The following SLCO3A1 variants were observed in gnomAD, a reference collection of about 807,000 sequenced individuals.
The protein encoded by SLCO3A1 is PGE1 transporter.
A neutral mutation model predicts 63.1 loss-of-function variants in SLCO3A1; 27 were observed. The observed-to-expected ratio is 0.43, with a 90% CI of 0.32 to 0.59. The LOEUF (loss-of-function observed/expected upper bound fraction) is 0.59. Among genes scored for constraint, SLCO3A1 ranks in the 20% least tolerant of loss-of-function variants. SLCO3A1 has a pLI of 0.09. For synonymous variants in SLCO3A1, 473 were observed against 409.9 expected (o/e 1.15, Z -1.86); for missense variants, 773 against 945.8 (o/e 0.82, Z 2.40).
intron 2 of SLCO3A1, among the ~76,000 whole-genome samples, chr15:92,010,452 TTCC>T: frequency 6.6e-6 from 1 of 152,304 alleles, no homozygotes; most frequent in Non-Finnish European, 1.5e-5. Flanking sequence ...TTTTCACTTC[TTCC>T]TAGGACACTT....
At chr15:91,918,705 A>G (rs1898742445) in intron 2 of SLCO3A1, among the ~76,000 whole-genome samples, 1 of 152,102 alleles carries the variant, frequency 6.6e-6, no homozygotes, top group South Asian at 2.1e-4. Context: ...CTCCTCTAAT[A>G]TGGCACTAGT....
rs1052444020 is a variant in SLCO3A1 at position 91,900,502 on chromosome 15, G to T, written c.181-15491G>T. On this transcript the variant is annotated intron_variant, in intron 1 of 9. Transcript: ENST00000318445. This position sits in a 1 kb window ranked among gnomAD's most constrained non-coding sequence, Gnocchi z 4.3. ...ATGCCACTGTGCCCGGCTAATTTTTGTATTTTCAGTAGAGACGGGTTTCAC... is the reference window on the plus strand; with the variant it reads ...ATGCCACTGTGCCCGGCTAATTTTTTTATTTTCAGTAGAGACGGGTTTCAC... Among the ~76,000 whole-genome samples, 14 of 152,042 alleles carry T rather than the reference G, an allele frequency of 9.2e-5. No individual in the cohort carries two copies. Among genetic ancestry groups the T allele is most frequent in the Admixed American group, 2.0e-4 (3 of 15,248 alleles).
intron 2 of SLCO3A1, among the ~76,000 whole-genome samples, chr15:92,081,064 C>T (rs1393182946): frequency 6.6e-6 from 1 of 151,566 alleles, no homozygotes; most frequent in Admixed American, 6.6e-5. Flanking sequence ...TCCATCATCA[C>T]CTCAAGCATT....
chr15:92,069,368 C>T (rs1280664324), intron 2 of SLCO3A1, among the ~76,000 whole-genome samples: 2 of 152,102 alleles, frequency 1.3e-5, no homozygotes, highest in African/African-American at 2.4e-5. Context: ...ATAGGAGTTA[C>T]GAGAATTAAA....
chr15:92,102,088 C>T (rs946628790), intron 3 of SLCO3A1, among the ~76,000 whole-genome samples: 3 of 152,120 alleles, frequency 2.0e-5, no homozygotes, highest in Non-Finnish European at 2.9e-5. Context: ...TTTACCCGCT[C>T]ACATCTGCCA....
intron 2 of SLCO3A1, among the ~76,000 whole-genome samples, chr15:91,979,948 C>T (rs566682374): frequency 1.3e-5 from 2 of 152,212 alleles, no homozygotes; most frequent in Non-Finnish European, 2.9e-5. Context: ...AAAACTTTTG[C>T]CACTGAGCTT....
intron 1 of SLCO3A1, among the ~76,000 whole-genome samples, chr15:91,915,118 G>A (rs72750101): frequency 0.069 from 10,565 of 152,066 alleles, 519 homozygotes; most frequent in Non-Finnish European, 0.11. Context: ...TGGCCCCCTT[G>A]GTGTGAGGTC....
chr15:91,963,300 C>T (rs1419853534), intron 2 of SLCO3A1, among the ~76,000 whole-genome samples: 2 of 151,092 alleles, frequency 1.3e-5, no homozygotes, highest in Non-Finnish European at 2.9e-5. Context: ...TTTAACTTCA[C>T]CAGTCAGTCA....
Position 92,147,485 on chromosome 15 carries a change from C to T in SLCO3A1, c.1688+326C>T, listed in dbSNP as rs740431. ...GAGGAAAATGAAAGTGGCGTCAGTG[C>T]CCAGCCCCCACCACCCTGCCACTGC... On this transcript the variant is annotated intron_variant, in intron 8 of 9. Coordinates refer to ENST00000318445, the MANE Select transcript of SLCO3A1 (RefSeq NM_013272.4). 4.5e-3 allele frequency among the ~76,000 whole-genome samples: 680 copies of T among 152,210 alleles called. 5 individuals are homozygous for T. Among genetic ancestry groups the T allele is most frequent in the African/African-American group, 0.016 (655 of 41,524 alleles).
At chr15:91,943,481 A>G (rs1202203566) in intron 2 of SLCO3A1, among the ~76,000 whole-genome samples, 1 of 152,188 alleles carries the variant, frequency 6.6e-6, no homozygotes, top group African/African-American at 2.4e-5. Flanking sequence ...TTATCCATTC[A>G]TCTGCTATGG....
intron 2 of SLCO3A1, among the ~76,000 whole-genome samples, chr15:92,063,983 T>G (rs1394818710): frequency 6.6e-6 from 1 of 152,224 alleles, no homozygotes; most frequent in Non-Finnish European, 1.5e-5. Flanking sequence ...TATTCCCATT[T>G]CATAGATGGG....
intron 2 of SLCO3A1, among the ~76,000 whole-genome samples, chr15:92,083,948 C>A (rs1407615292): frequency 6.6e-6 from 1 of 152,144 alleles, no homozygotes; most frequent in African/African-American, 2.4e-5. Flanking sequence ...GTCACACAGC[C>A]AGTGACTGCA....
intron 2 of SLCO3A1, among the ~76,000 whole-genome samples, chr15:92,062,510 G>C (rs1169842324): frequency 6.6e-6 from 1 of 152,166 alleles, no homozygotes; most frequent in Non-Finnish European, 1.5e-5. Flanking sequence ...GGTTCGTGTG[G>C]TCAAGTTTGT....
At chr15:91,876,945 A>G (rs1157705070) in intron 1 of SLCO3A1, among the ~76,000 whole-genome samples, 1 of 152,230 alleles carries the variant, frequency 6.6e-6, no homozygotes, top group Admixed American at 6.5e-5. Flanking sequence ...TTTTGCCGAT[A>G]TGTTTGGGGT....
At position 91,859,980 on chromosome 15, in the gene SLCO3A1, TA is replaced by T. The variant is rs1897010001; in HGVS notation, c.180+5895del. 6.6e-6 allele frequency among the ~76,000 whole-genome samples: 1 copy of T among 152,256 alleles called. No homozygotes were observed. The highest frequency in any genetic ancestry group is 1.5e-5 in the Non-Finnish European group (1 of 68,042). On this transcript the variant is annotated intron_variant, in intron 1 of 9. Coordinates refer to ENST00000318445, the MANE Select transcript of SLCO3A1 (RefSeq NM_013272.4). This position sits in a 1 kb window ranked among gnomAD's most constrained non-coding sequence, Gnocchi z 5.1. ...AAGTTTTTAAGGGCAAGTAATAAGC[TA>T]AATATCAGTTGCTAATTCTGTTTAT...
intron 6 of SLCO3A1, among the ~76,000 whole-genome samples, chr15:92,127,965 G>A (rs1253026001): frequency 6.6e-6 from 1 of 152,132 alleles, no homozygotes; most frequent in East Asian, 1.9e-4. Context: ...TAGCAATCAG[G>A]AGAGGCATCG....
At chr15:92,067,270 T>G (rs1018548278) in intron 2 of SLCO3A1, among the ~76,000 whole-genome samples, 1 of 152,174 alleles carries the variant, frequency 6.6e-6, no homozygotes, top group African/African-American at 2.4e-5. Flanking sequence ...GGGAGATGGA[T>G]TCCTAGTGAT....
chr15:91,916,367 G>T lies in SLCO3A1; in HGVS notation c.555G>T (p.Val185=), dbSNP rs145167358. ...MMYLLLIGAQ[V]LLGIGATPVQ... ...ACTTGCTGCTCATTGGGGCCCAGGT[G>T]CTCCTGGGCATCGGTGCTACCCCTG... The change falls in exon 2 of 10, where the codon GTG becomes GTT. Residue 185 remains valine, a synonymous_variant. Coordinates refer to ENST00000318445, the MANE Select transcript of SLCO3A1 (RefSeq NM_013272.4). This position sits in a 1 kb window ranked among gnomAD's most constrained non-coding sequence, Gnocchi z 6.2. 8.6e-5 allele frequency: 139 copies of T among 1,612,344 alleles called. No homozygotes were observed. The highest frequency in any genetic ancestry group is 1.2e-4 in the Non-Finnish European group (139 of 1,179,610).
At chr15:91,965,363 A>G (rs1168942383) in intron 2 of SLCO3A1, among the ~76,000 whole-genome samples, 1 of 152,206 alleles carries the variant, frequency 6.6e-6, no homozygotes, top group African/African-American at 2.4e-5. Flanking sequence ...ATCCTGCTCA[A>G]ATCCCTGGAT....
Sources: allele counts gnomAD v4.1 joint callset (sites outside exome capture counted in the v4.1 genomes callset), GRCh38; gene constraint gnomAD v4.1.1; non-coding constraint Gnocchi (gnomAD v3.1); transcripts MANE v1.5; gene names NCBI Gene and HGNC (gene_info 2026-07-23, HGNC 2026-07-21).